Variants in ZNF180 observed in about 807,000 individuals in gnomAD.
ZNF180 encodes the protein zinc finger protein 180.
A neutral mutation model predicts 11.8 loss-of-function variants in ZNF180; 11 were observed. The observed-to-expected ratio is 0.93, with a 90% CI of 0.59 to 1.55. The LOEUF is 1.55. ZNF180 is among the 40% of genes most tolerant of loss of function. ZNF180 has a pLI of 0.00. For synonymous variants in ZNF180, 287 were observed against 257.7 expected (o/e 1.11, Z -1.09); for missense variants, 773 against 781.7 (o/e 0.99, Z 0.13).
In ZNF180 at chr19:44,484,454, T is replaced by G. The variant is rs370576354; in HGVS notation, c.52-19A>C. 9 of 1,592,978 alleles carry G rather than the reference T, an allele frequency of 5.6e-6. No homozygotes were observed. The African/African-American group carries it at 1.2e-4, about 21-fold the overall frequency. On this transcript the variant is annotated intron_variant, in intron 2 of 4. Coordinates refer to ENST00000592529, the MANE Select transcript of ZNF180 (RefSeq NM_001278509.3). The stretch of plus-strand genomic sequence containing the variant: ...AAGAATCCTGAAAAGGCAAAACAGA[T>G]GAGAAAAAGGAAAATAATCAGGGAG...
chr19:44,476,411 T>C lies in ZNF180; in HGVS notation c.1989A>G (p.Glu663=). The C allele has an allele frequency of 6.3e-7, 1 of 1,579,438 alleles. No homozygotes were observed. The highest frequency in any genetic ancestry group is 8.6e-7 in the Non-Finnish European group (1 of 1,163,566). Residue 663 remains glutamate (E), a synonymous_variant, in exon 5 of 5, where the codon GAA becomes GAG. Coordinates refer to ENST00000592529, the MANE Select transcript of ZNF180 (RefSeq NM_001278509.3). ...CCAGCTGATTTACAAACTAGTTACA[T>C]TCATAGAGTTTCTCTTCAGTATGAG... ...QATHTEEKLY[E]CN
At position 44,500,326 on chromosome 19, in the gene ZNF180, C is replaced by T. The variant is rs1600104310; in HGVS notation, c.-95G>A. ...GGCTGGGCCTGTCACCGCCTCAGTG[C>T]CTAGCACGGCTCTGCGGCAGGACGA... On this transcript the variant is annotated 5_prime_UTR_variant, in exon 1 of 5. Transcript: ENST00000592529. 4 of 1,551,552 alleles carry T rather than the reference C, an allele frequency of 2.6e-6. No homozygotes were observed. In the East Asian group the frequency reaches 6.7e-5, roughly 26 times the overall value.
chr19:44,498,387 C>T lies in ZNF180; in HGVS notation c.-43-1010G>A, dbSNP rs117235180. The stretch of plus-strand genomic sequence containing the variant: ...CTCCCCTGCTCCCACCATATTCTCA[C>T]GCAGCATAGCGTAGGTTCACAATGC... On this transcript the variant is annotated intron_variant, in intron 1 of 4. Transcript: ENST00000592529. Among the ~76,000 whole-genome samples, 257 of 152,292 alleles carry T rather than the reference C, an allele frequency of 1.7e-3. 6 individuals carry two copies. The East Asian group carries it at 0.044, about 26-fold the overall frequency.
At chr19:44,481,773 A>G (rs1241351839) in intron 3 of ZNF180, among the ~76,000 whole-genome samples, 2 of 152,234 alleles carry the variant, frequency 1.3e-5, no homozygotes, top group African/African-American at 4.8e-5. Flanking sequence ...AATGAACACT[A>G]TCAATAAACC....
Position 44,477,320 on chromosome 19 carries a change from T to A in ZNF180, c.1080A>T (p.Gly360=), listed in dbSNP as rs551428472. 6.2e-6 allele frequency: 10 copies of A among 1,612,048 alleles called. No individual in the cohort carries two copies. Among genetic ancestry groups the A allele is most frequent in the Non-Finnish European group, 8.5e-6 (10 of 1,178,706 alleles). ...GGTGCGAGCTCCGGCTGAAGGATTT[T>A]CCACATTCACTACATTCATAAGGTT... ...GEKPYECSEC[G]KSFSRSSHLV... is the part of the protein sequence containing the mutation. Residue 360 remains glycine, a synonymous_variant, in exon 5 of 5, where the codon GGA becomes GGT. Coordinates refer to ENST00000592529, the MANE Select transcript of ZNF180 (RefSeq NM_001278509.3).
chr19:44,484,785 CA>C (rs1970180754), intron 2 of ZNF180: 1 of 261,826 alleles, frequency 3.8e-6, no homozygotes, highest in Non-Finnish European at 7.3e-6. Context: ...TCCTGGGTCA[CA>C]AAATTATAAG....
chr19:44,485,572 T>G (rs556028853), intron 2 of ZNF180, among the ~76,000 whole-genome samples: 55 of 152,354 alleles, frequency 3.6e-4, no homozygotes, highest in Non-Finnish European at 3.8e-4. Flanking sequence ...TCACAGTCAT[T>G]AGTCTGTTGC....
chr19:44,476,350 A>C lies in ZNF180; in HGVS notation c.*52T>G. ...CAACTACATGTACTACCTTAAAATAAATTTTTTAAAAGAATGAAATAAAAA... is the reference window on the plus strand; with the variant it reads ...CAACTACATGTACTACCTTAAAATACATTTTTTAAAAGAATGAAATAAAAA... On this transcript the variant is annotated 3_prime_UTR_variant, in exon 5 of 5. Transcript: ENST00000592529. The C allele has an allele frequency of 1.3e-6, 2 of 1,485,904 alleles. No individual in the cohort carries two copies. Among genetic ancestry groups the C allele is most frequent in the East Asian group, 2.3e-5 (1 of 43,638 alleles). The allele number at this position is 1,485,904 out of a possible 1,614,324, so 92.0% of individuals were successfully genotyped here.
Position 44,474,648 on chromosome 19 carries a change from GGACA to G in ZNF180, c.*1750_*1753del, listed in dbSNP as rs1168463625. On this transcript the variant is annotated 3_prime_UTR_variant, in exon 5 of 5. Coordinates refer to ENST00000592529, the MANE Select transcript of ZNF180 (RefSeq NM_001278509.3). ...GTGCTTCTTAAAGATGGTTAAAATA[GGACA>G]GACAGACTTGGAACTTTGTTCAACT... 4 of 152,138 alleles carry G rather than the reference GGACA, an allele frequency of 2.6e-5. No individual in the cohort carries two copies. The highest frequency in any genetic ancestry group is 9.7e-5 in the African/African-American group (4 of 41,400). 9.4% of individuals were successfully genotyped at this position (152,138 alleles called of 1,614,324 possible). A position where few individuals can be genotyped will look rare whatever the true frequency, so the allele number is the denominator to read the frequency against.
chr19:44,494,197 G>A (rs1289282164), intron 2 of ZNF180, among the ~76,000 whole-genome samples: 1 of 152,128 alleles, frequency 6.6e-6, no homozygotes, highest in Non-Finnish European at 1.5e-5. Flanking sequence ...TTTCCCCACA[G>A]TGCTTTGCAC....
intron 1 of ZNF180, among the ~76,000 whole-genome samples, chr19:44,499,626 G>C (rs1034557115): frequency 1.3e-5 from 2 of 152,124 alleles, no homozygotes; most frequent in African/African-American, 4.8e-5. Flanking sequence ...CCTGTTTCTA[G>C]GCCCTGATAC....
At chr19:44,491,745 G>C (rs1249614238) in intron 2 of ZNF180, among the ~76,000 whole-genome samples, 1 of 151,816 alleles carries the variant, frequency 6.6e-6, no homozygotes, top group Non-Finnish European at 1.5e-5. Flanking sequence ...TAATTTTTTT[G>C]TTTTTATTTT....
chr19:44,492,504 C>A (rs746570757), intron 2 of ZNF180, among the ~76,000 whole-genome samples: 6 of 152,044 alleles, frequency 3.9e-5, no homozygotes, highest in Non-Finnish European at 8.8e-5. Flanking sequence ...GGGTTGTGGG[C>A]AGGAGATAAT....
At chr19:44,491,531 A>G (rs1414326691) in intron 2 of ZNF180, among the ~76,000 whole-genome samples, 2 of 152,254 alleles carry the variant, frequency 1.3e-5, no homozygotes, top group Non-Finnish European at 2.9e-5. Flanking sequence ...TTAGTAATAC[A>G]TAGAGTACTT....
intron 2 of ZNF180, among the ~76,000 whole-genome samples, chr19:44,493,947 C>A (rs61261786): frequency 0.015 from 2,291 of 152,306 alleles, 45 homozygotes; most frequent in African/African-American, 0.051. Context: ...GCAACCTCAT[C>A]AGGGACCCTG....
chr19:44,499,029 C>T (rs1045696683), intron 1 of ZNF180, among the ~76,000 whole-genome samples: 6 of 152,210 alleles, frequency 3.9e-5, no homozygotes, highest in African/African-American at 1.4e-4. Flanking sequence ...TGTGTCTCAA[C>T]CTGCCTGGGA....
chr19:44,481,470 C>T (rs576201008), intron 3 of ZNF180, among the ~76,000 whole-genome samples: 3 of 152,158 alleles, frequency 2.0e-5, no homozygotes, highest in African/African-American at 4.8e-5. Flanking sequence ...ATAAACACTC[C>T]CCCTTTCTGT....
chr19:44,490,950 C>T (rs1970435254), intron 2 of ZNF180, among the ~76,000 whole-genome samples: 1 of 152,244 alleles, frequency 6.6e-6, no homozygotes, highest in South Asian at 2.1e-4. Flanking sequence ...TCACTTTACC[C>T]TGCTTTCATA....
At chr19:44,488,241 TC>T (rs1395523452) in intron 2 of ZNF180, among the ~76,000 whole-genome samples, 1 of 100,824 alleles carries the variant, frequency 9.9e-6, no homozygotes, top group Non-Finnish European at 2.0e-5. Context: ...TCCCTCTCTT[TC>T]CACGGTCTCC....
Sources: allele counts gnomAD v4.1 joint callset (sites outside exome capture counted in the v4.1 genomes callset), GRCh38; gene constraint gnomAD v4.1.1; transcripts MANE v1.5; gene names NCBI Gene and HGNC (gene_info 2026-07-23, HGNC 2026-07-21).